RAB38: variants seen among roughly 807,000 people sequenced by gnomAD.
The protein encoded by RAB38 is RAB38, member RAS oncogene family.
A neutral mutation model predicts 18.4 loss-of-function variants in RAB38; 15 were observed. The observed-to-expected ratio is 0.82, with a 90% CI of 0.55 to 1.26. The LOEUF is 1.26. Among genes scored for constraint, RAB38 ranks in the 50% most tolerant of loss-of-function variants. The pLI is 0.00. For missense variants in RAB38, 294 were observed against 267.4 expected (o/e 1.10, Z -0.69); for synonymous variants, 101 against 104.4 (o/e 0.97, Z 0.20).
At chr11:88,132,363 T>C (rs1176091386) in intron 2 of RAB38, among the ~76,000 whole-genome samples, 1 of 152,178 alleles carries the variant, frequency 6.6e-6, no homozygotes, top group Non-Finnish European at 1.5e-5. Flanking sequence ...CAAGACTTGT[T>C]TCATGCTATA....
chr11:87,845,039 A>G, the RAB38 span, among the ~76,000 whole-genome samples: 42 of 152,238 alleles, frequency 2.8e-4, no homozygotes, highest in Non-Finnish European at 5.1e-4. Flanking sequence ...AATAACAATA[A>G]TTTAGAGAAC....
the RAB38 span, chr11:88,098,097 T>TA: frequency 2.6e-5 from 4 of 151,654 alleles, no homozygotes; most frequent in Non-Finnish European, 5.9e-5. Flanking sequence ...AGAGATGCAG[T>TA]AATACATAAA....
At chr11:88,022,581 T>C in the RAB38 span, among the ~76,000 whole-genome samples, 1 of 135,418 alleles carries the variant, frequency 7.4e-6, no homozygotes. Flanking sequence ...GATGACATGA[T>C]TCTGTATTTG....
the RAB38 span, among the ~76,000 whole-genome samples, chr11:87,945,200 T>C: frequency 6.6e-6 from 1 of 152,186 alleles, no homozygotes; most frequent in Admixed American, 6.6e-5. Flanking sequence ...TGATTTTGTA[T>C]TGTATCTGAT....
chr11:88,135,848 C>T (rs1942829094), intron 2 of RAB38, among the ~76,000 whole-genome samples: 1 of 152,184 alleles, frequency 6.6e-6, no homozygotes, highest in Non-Finnish European at 1.5e-5. Context: ...GCTGTCATTC[C>T]TCTTTCATTT....
chr11:87,917,731 T>C, the RAB38 span, among the ~76,000 whole-genome samples: 9 of 152,158 alleles, frequency 5.9e-5, no homozygotes, highest in South Asian at 2.1e-4. Flanking sequence ...TTCTTCCTCA[T>C]TGGTGCAGTC....
the RAB38 span, among the ~76,000 whole-genome samples, chr11:88,025,364 T>A: frequency 6.6e-6 from 1 of 152,098 alleles, no homozygotes; most frequent in African/African-American, 2.4e-5. Flanking sequence ...GTCTTTTTGG[T>A]AGAATGATGT....
the RAB38 span, among the ~76,000 whole-genome samples, chr11:87,977,701 A>G: frequency 2.7e-5 from 3 of 112,638 alleles, no homozygotes; most frequent in Non-Finnish European, 5.0e-5. Flanking sequence ...ATATATAGGG[A>G]TATATTATAT....
the RAB38 span, among the ~76,000 whole-genome samples, chr11:87,965,427 C>T: frequency 2.0e-5 from 3 of 152,116 alleles, no homozygotes; most frequent in African/African-American, 4.8e-5. Flanking sequence ...TTCATGCTAT[C>T]GCTCTTCGAT....
At chr11:87,838,866 T>C in the RAB38 span, among the ~76,000 whole-genome samples, 1 of 152,312 alleles carries the variant, frequency 6.6e-6, no homozygotes, top group South Asian at 2.1e-4. Flanking sequence ...CTCATTACTG[T>C]CATCATCTTA....
the RAB38 span, among the ~76,000 whole-genome samples, chr11:87,837,605 T>G: frequency 1.5e-4 from 23 of 152,220 alleles, no homozygotes; most frequent in Non-Finnish European, 5.9e-5. Flanking sequence ...ATCAGTTTGG[T>G]GCTAGTCAAT....
the RAB38 span, among the ~76,000 whole-genome samples, chr11:88,028,774 G>T: frequency 2.0e-5 from 3 of 152,210 alleles, no homozygotes; most frequent in African/African-American, 4.8e-5. Flanking sequence ...GAAAGTGACA[G>T]GGAGAATGGA....
At chr11:87,950,649 T>G in the RAB38 span, among the ~76,000 whole-genome samples, 2 of 152,198 alleles carry the variant, frequency 1.3e-5, no homozygotes, top group African/African-American at 4.8e-5. Context: ...TTATGAAGCT[T>G]AGTTTGGCTG....
At chr11:87,833,677 A>G in the RAB38 span, among the ~76,000 whole-genome samples, 1 of 152,242 alleles carries the variant, frequency 6.6e-6, no homozygotes, top group South Asian at 2.1e-4. Context: ...ACTGAAGTAC[A>G]GAGTTGTTAA....
chr11:87,848,637 T>G, the RAB38 span, among the ~76,000 whole-genome samples: 2 of 152,186 alleles, frequency 1.3e-5, no homozygotes, highest in African/African-American at 4.8e-5. Context: ...GTCTTTCTTC[T>G]GTATTCTAGT....
the RAB38 span, among the ~76,000 whole-genome samples, chr11:87,968,387 T>C: frequency 2.6e-5 from 4 of 152,118 alleles, no homozygotes; most frequent in Non-Finnish European, 5.9e-5. Flanking sequence ...ATTTCCCAGC[T>C]TCCCTTGCGT....
chr11:87,882,361 G>A, the RAB38 span, among the ~76,000 whole-genome samples: 3 of 151,804 alleles, frequency 2.0e-5, no homozygotes, highest in South Asian at 2.1e-4. Context: ...AGCCCCTAAA[G>A]GGCTTTAAAG....
At chr11:87,921,074 G>C in the RAB38 span, among the ~76,000 whole-genome samples, 16 of 152,076 alleles carry the variant, frequency 1.1e-4, no homozygotes, top group African/African-American at 3.9e-4. Flanking sequence ...GAACAAGAGG[G>C]GGTAAACCCA....
the RAB38 span, among the ~76,000 whole-genome samples, chr11:88,054,832 C>A: frequency 6.6e-6 from 1 of 152,140 alleles, no homozygotes; most frequent in Non-Finnish European, 1.5e-5. Flanking sequence ...AATTGCACAG[C>A]GTTATCAGGA....
Sources: gnomAD v4.1 joint callset for allele counts (sites outside exome capture counted in the v4.1 genomes callset) on GRCh38, gnomAD v4.1.1 for gene constraint, MANE v1.5 for transcripts, NCBI Gene and HGNC (gene_info 2026-07-23, HGNC 2026-07-21) for gene names.